KIF21A: variants seen among roughly 807,000 people sequenced by gnomAD.
KIF21A encodes kinesin family member 21A, also known as kinesin-like protein KIF21A.
Under a neutral mutation model 202.9 loss-of-function variants are expected in KIF21A, and 114 were observed. That is an observed-to-expected ratio of 0.56 (90% CI 0.48 to 0.66). KIF21A has a LOEUF of 0.66. KIF21A is among the 30% of genes least tolerant of loss of function. The pLI is 0.00. For synonymous variants in KIF21A, 667 were observed against 670.8 expected (o/e 0.99, Z 0.09); for missense variants, 1,677 against 1,994.9 (o/e 0.84, Z 3.04).
intron 11 of KIF21A, among the ~76,000 whole-genome samples, chr12:39,349,890 A>G (rs1374894635): frequency 6.6e-6 from 1 of 152,054 alleles, no homozygotes; most frequent in Non-Finnish European, 1.5e-5. Context: ...AATTTTTTAG[A>G]TTCACAAATT....
chr12:39,306,497 A>C (rs1050477650), intron 34 of KIF21A, among the ~76,000 whole-genome samples: 1 of 152,136 alleles, frequency 6.6e-6, no homozygotes, highest in Non-Finnish European at 1.5e-5. Flanking sequence ...ATTTATCTAT[A>C]AATTATGTTT....
chr12:39,443,007 G>A lies in KIF21A; in HGVS notation c.-37C>T. 3 of 1,507,314 alleles carry A rather than the reference G, an allele frequency of 2.0e-6. No individual in the cohort carries two copies. Among genetic ancestry groups the A allele is most frequent in the Non-Finnish European group, 2.6e-6 (3 of 1,135,302 alleles). 93.4% of individuals were successfully genotyped at this position (1,507,314 alleles called of 1,614,324 possible). ...GCAGCGATCGAGCCGTTGGGCCTCGGCACCGCAGAGCTGAGGCGCCACTGG... is the reference window on the plus strand; with the variant it reads ...GCAGCGATCGAGCCGTTGGGCCTCGACACCGCAGAGCTGAGGCGCCACTGG... On this transcript the variant is annotated 5_prime_UTR_variant, in exon 1 of 38. Coordinates refer to ENST00000361418, the MANE Select transcript of KIF21A (RefSeq NM_001173464.2).
At chr12:39,430,833 C>G (rs969553037) in intron 1 of KIF21A, among the ~76,000 whole-genome samples, 2 of 151,910 alleles carry the variant, frequency 1.3e-5, no homozygotes, top group African/African-American at 4.8e-5. Flanking sequence ...GAGGAAGGCC[C>G]CCATGATGAA....
chr12:39,436,534 C>T (rs1343524643), intron 1 of KIF21A, among the ~76,000 whole-genome samples: 2 of 144,086 alleles, frequency 1.4e-5, no homozygotes, highest in Non-Finnish European at 3.0e-5. Flanking sequence ...ACACTGCAGC[C>T]TTGAATTTCT....
intron 1 of KIF21A, among the ~76,000 whole-genome samples, chr12:39,377,644 G>T (rs944105277): frequency 6.6e-6 from 1 of 152,084 alleles, no homozygotes; most frequent in African/African-American, 2.4e-5. Context: ...CCCTAAAATG[G>T]ATCTTTAATT....
chr12:39,408,692 G>A (rs1171172228), intron 1 of KIF21A, among the ~76,000 whole-genome samples: 1 of 152,170 alleles, frequency 6.6e-6, no homozygotes, highest in Admixed American at 6.5e-5. Flanking sequence ...GAAGCACAGA[G>A]AGAAAGAAGA....
At chr12:39,304,590 T>G (rs1210256104) in intron 35 of KIF21A, among the ~76,000 whole-genome samples, 2 of 152,030 alleles carry the variant, frequency 1.3e-5, no homozygotes, top group East Asian at 3.9e-4. Context: ...GAAGACTGAG[T>G]TAAAAGAGCT....
chr12:39,395,974 A>C (rs190049298), intron 1 of KIF21A, among the ~76,000 whole-genome samples: 87 of 152,072 alleles, frequency 5.7e-4, no homozygotes, highest in African/African-American at 1.8e-3. Context: ...TTATGCTCTT[A>C]AAAAATTCCA....
chr12:39,400,147 AT>A (rs1434269527), intron 1 of KIF21A, among the ~76,000 whole-genome samples: 2 of 152,092 alleles, frequency 1.3e-5, no homozygotes, highest in Admixed American at 1.3e-4. Context: ...CTTTAAAGCT[AT>A]TTTCCACGGT....
intron 16 of KIF21A, among the ~76,000 whole-genome samples, chr12:39,339,873 T>G (rs1947304142): frequency 6.6e-6 from 1 of 152,206 alleles, no homozygotes; most frequent in African/African-American, 2.4e-5. Flanking sequence ...TTCTTGCATA[T>G]TTGAAATATT....
intron 28 of KIF21A, 130 bp from the exon 29 acceptor site, chr12:39,318,331 T>C (rs1944808474): frequency 1.1e-6 from 1 of 881,878 alleles, no homozygotes; most frequent in Non-Finnish European, 1.7e-6. Flanking sequence ...TCTTCCTTTT[T>C]TGTAAGATAA....
At chr12:39,425,894 C>T (rs1954701753) in intron 1 of KIF21A, among the ~76,000 whole-genome samples, 1 of 141,918 alleles carries the variant, frequency 7.0e-6, no homozygotes, top group African/African-American at 2.6e-5. Context: ...GAGCTAGCTA[C>T]TCTGAAAGAT....
At chr12:39,433,437 C>T (rs1938237433) in intron 1 of KIF21A, among the ~76,000 whole-genome samples, 1 of 152,148 alleles carries the variant, frequency 6.6e-6, no homozygotes, top group Non-Finnish European at 1.5e-5. Flanking sequence ...ACTCAGTTTA[C>T]CCCTTACAGT....
intron 27 of KIF21A, chr12:39,321,955 A>G (rs1945313619): frequency 6.6e-6 from 1 of 151,966 alleles, no homozygotes; most frequent in South Asian, 2.1e-4. Flanking sequence ...ACACACACAT[A>G]CACATACGCA....
At chr12:39,301,859 C>T (rs954576942) in intron 36 of KIF21A, among the ~76,000 whole-genome samples, 180 bp from the exon 37 acceptor site, 17 of 152,178 alleles carry the variant, frequency 1.1e-4, no homozygotes, top group Non-Finnish European at 2.4e-4. Context: ...TAATTTGCTT[C>T]CCAACTTGCC....
At position 39,331,696 on chromosome 12, in the gene KIF21A, G is replaced by A; in HGVS notation, c.3147C>T (p.Ile1049=). The part of the protein sequence containing the change: ...YLLDHFLSMG[I]NKGLQAAQKE... ...CAGTGTGGTTGTATCTTACCTTATT[G>A]ATGCCCATTGACAGGAAGTGATCTA... Residue 1049 remains isoleucine (I), a synonymous_variant, in exon 22 of 38, where the codon ATC becomes ATT. Transcript: ENST00000361418. 2 of 1,606,400 alleles carry A rather than the reference G, an allele frequency of 1.2e-6. No individual in the cohort carries two copies. The highest frequency in any genetic ancestry group is 1.7e-6 in the Non-Finnish European group (2 of 1,173,010).
chr12:39,310,129 C>T (rs1049424384), intron 32 of KIF21A, among the ~76,000 whole-genome samples: 1 of 152,066 alleles, frequency 6.6e-6, no homozygotes, highest in African/African-American at 2.4e-5. Context: ...CATATTCCTA[C>T]CTCCTCACAA....
intron 20 of KIF21A, 43 bp from the exon 21 acceptor site, chr12:39,332,451 T>A (rs745473898): frequency 1.3e-6 from 2 of 1,596,482 alleles, no homozygotes; most frequent in South Asian, 2.2e-5. Context: ...TATGTTCACT[T>A]ATTTATATAC....
At chr12:39,342,299 A>G (rs911340125) in intron 12 of KIF21A, among the ~76,000 whole-genome samples, 175 bp from the exon 13 acceptor site, 1 of 152,202 alleles carries the variant, frequency 6.6e-6, no homozygotes, top group African/African-American at 2.4e-5. Context: ...GAAATTGCCA[A>G]TCAATCAACA....
Sources: gnomAD v4.1 joint callset for allele counts (sites outside exome capture counted in the v4.1 genomes callset) on GRCh38, gnomAD v4.1.1 for gene constraint, MANE v1.5 for transcripts, NCBI Gene and HGNC (gene_info 2026-07-23, HGNC 2026-07-21) for gene names.